Variants in IQCB1 observed in about 807,000 individuals in gnomAD.
The protein encoded by IQCB1 is IQ calmodulin-binding motif-containing protein 1.
A neutral mutation model predicts 84.4 loss-of-function variants in IQCB1; 56 were observed. The observed-to-expected ratio is 0.66, with a 90% confidence interval of 0.54 to 0.83. IQCB1 has a LOEUF of 0.83. IQCB1 is among the 40% of genes least tolerant of loss of function. IQCB1 has a pLI of 0.00. For missense variants in IQCB1, 629 were observed against 682.1 expected (o/e 0.92, Z 0.87); for synonymous variants, 210 against 234.8 (o/e 0.89, Z 0.96).
chr3:121,783,023 T>C (rs1231454442), intron 12 of IQCB1, among the ~76,000 whole-genome samples: 1 of 152,198 alleles, frequency 6.6e-6, no homozygotes, highest in African/African-American at 2.4e-5. Context: ...TCGGCTGCTT[T>C]TGTGCTATAA....
intron 5 of IQCB1, among the ~76,000 whole-genome samples, chr3:121,815,074 G>A (rs1025510392): frequency 6.6e-6 from 1 of 152,238 alleles, no homozygotes; most frequent in East Asian, 1.9e-4. Context: ...GATTAAGTCG[G>A]CTTCATCACT....
chr3:121,824,322 T>C (rs1360670164), intron 5 of IQCB1, among the ~76,000 whole-genome samples: 1 of 152,160 alleles, frequency 6.6e-6, no homozygotes, highest in Admixed American at 6.5e-5. Flanking sequence ...CAAGGGGTGC[T>C]TCACATCCTG....
intron 5 of IQCB1, among the ~76,000 whole-genome samples, chr3:121,824,807 T>C (rs1051437077): frequency 1.5e-5 from 2 of 129,070 alleles, no homozygotes; most frequent in South Asian, 5.4e-4. Context: ...CACTAAAAAG[T>C]AGAACTGTAG....
At chr3:121,834,188 A>G (rs1236287260) in intron 2 of IQCB1, 1 of 152,184 alleles carries the variant, frequency 6.6e-6, no homozygotes, top group Non-Finnish European at 1.5e-5. Flanking sequence ...CTACCCCAAA[A>G]TCAATTGACA....
At chr3:121,797,087 C>G (rs1196029478) in intron 9 of IQCB1, 31 bp downstream of exon 9, 1 of 1,086,210 alleles carries the variant, frequency 9.2e-7, no homozygotes, top group Admixed American at 1.7e-5. Flanking sequence ...CAGCAAATAT[C>G]ATGCAATTTT....
rs554772931 is a variant in IQCB1, at chr3:121,790,714, AG to A, written c.987-500del. 7.4e-4 allele frequency among the ~76,000 whole-genome samples: 113 copies of A among 152,304 alleles called. 1 individual carries two copies. The highest frequency in any genetic ancestry group is 4.6e-3 in the South Asian group (22 of 4,822). ...GAGAATATACTGATGATCTAATGTC[AG>A]GTAAAAGGAAAATCAGGATATAGAA... is the stretch of plus-strand genomic sequence containing the variant. On this transcript the variant is annotated intron_variant, in intron 10 of 14. Coordinates refer to ENST00000310864, the MANE Select transcript of IQCB1 (RefSeq NM_001023570.4).
intron 11 of IQCB1, among the ~76,000 whole-genome samples, chr3:121,789,379 C>T (rs1027507371): frequency 3.3e-5 from 5 of 152,136 alleles, no homozygotes; most frequent in South Asian, 2.1e-4. Flanking sequence ...GGCAATTTTG[C>T]TCTAAGAGCT....
intron 11 of IQCB1, 98 bp downstream of exon 11, chr3:121,789,975 C>T: frequency 9.5e-7 from 1 of 1,049,812 alleles, no homozygotes; most frequent in Admixed American, 1.8e-5. Context: ...GGACAAAAGT[C>T]CAAATTTAAA....
chr3:121,803,271 G>T (rs1248342377), intron 7 of IQCB1, among the ~76,000 whole-genome samples: 1 of 152,106 alleles, frequency 6.6e-6, no homozygotes, highest in Non-Finnish European at 1.5e-5. Flanking sequence ...GCCCAGGCTG[G>T]TCTGGATCTC....
At position 121,799,389 on chromosome 3, in the gene IQCB1, TAA is replaced by T; in HGVS notation, c.588-17_588-16del. The stretch of plus-strand genomic sequence containing the variant: ...GTAAATCACCACTAATAGAACAAAA[TAA>T]AAAAAAAAGTACCATTACTAATTGA... On this transcript the variant is annotated splice_polypyrimidine_tract_variant and intron_variant, in intron 7 of 14. Transcript: ENST00000310864. 1.5e-6 allele frequency: 2 copies of T among 1,346,184 alleles called. No individual in the cohort carries two copies. The highest frequency in any genetic ancestry group is 2.6e-5 in the South Asian group (2 of 75,620). The allele number at this position is 1,346,184 out of a possible 1,614,324, so 83.4% of individuals were successfully genotyped here.
At chr3:121,801,737 T>C (rs1691108835) in intron 7 of IQCB1, among the ~76,000 whole-genome samples, 1 of 151,106 alleles carries the variant, frequency 6.6e-6, no homozygotes, top group Non-Finnish European at 1.5e-5. Flanking sequence ...GCCTTCCCTA[T>C]CATTCTATGC....
chr3:121,778,938 T>C (rs1344248403), intron 13 of IQCB1, among the ~76,000 whole-genome samples: 3 of 151,950 alleles, frequency 2.0e-5, no homozygotes, highest in African/African-American at 7.2e-5. Flanking sequence ...GCTTGCACTG[T>C]TCCTACTGAG....
intron 5 of IQCB1, among the ~76,000 whole-genome samples, chr3:121,820,834 C>CACTT (rs1008466433): frequency 6.6e-6 from 1 of 151,632 alleles, no homozygotes; most frequent in Non-Finnish European, 1.5e-5. Flanking sequence ...TGAGTCAAGA[C>CACTT]ACTTATTACC....
intron 10 of IQCB1, among the ~76,000 whole-genome samples, chr3:121,792,555 G>A (rs1319325264): frequency 9.8e-5 from 14 of 142,258 alleles, no homozygotes; most frequent in Admixed American, 6.4e-4. Flanking sequence ...CCAGCTACTC[G>A]GGAGGCTGAG....
chr3:121,821,929 C>T (rs1481401824), intron 5 of IQCB1, among the ~76,000 whole-genome samples: 1 of 152,154 alleles, frequency 6.6e-6, no homozygotes, highest in African/African-American at 2.4e-5. Context: ...GATTGCTTTC[C>T]TTAATGTGGG....
rs752104367 is a variant in IQCB1 at position 121,808,897 on chromosome 3, T to C, written c.487+19A>G. On this transcript the variant is annotated intron_variant, in intron 6 of 14. Transcript: ENST00000310864. Reference sequence around the variant, plus strand: ...GACTCTACAATAGCTATTAGTTACATTAAAATCTTTTCTCTTACCATTCTG... The same window carrying C: ...GACTCTACAATAGCTATTAGTTACACTAAAATCTTTTCTCTTACCATTCTG... 1 of 1,477,622 alleles carries C rather than the reference T, an allele frequency of 6.8e-7. No homozygotes were observed. The highest frequency in any genetic ancestry group is 1.7e-5 in the Admixed American group (1 of 59,640). 91.5% of individuals were successfully genotyped at this position (1,477,622 alleles called of 1,614,324 possible).
chr3:121,818,872 A>G (rs1458542904), intron 5 of IQCB1, among the ~76,000 whole-genome samples: 1 of 152,174 alleles, frequency 6.6e-6, no homozygotes, highest in Non-Finnish European at 1.5e-5. Context: ...CCTAAATCTG[A>G]AGCTAAGTAA....
At chr3:121,792,087 A>G (rs1196586346) in intron 10 of IQCB1, among the ~76,000 whole-genome samples, 2 of 152,180 alleles carry the variant, frequency 1.3e-5, no homozygotes, top group African/African-American at 4.8e-5. Context: ...CTCCGCCTCA[A>G]AACAACAACA....
intron 13 of IQCB1, among the ~76,000 whole-genome samples, chr3:121,778,624 C>G (rs13074133): frequency 0.64 from 97,643 of 151,526 alleles, 31,908 homozygotes; most frequent in African/African-American, 0.72. Context: ...AGATATCTTT[C>G]GCCGGGGGTG....
Sources: gnomAD v4.1 joint callset for allele counts (sites outside exome capture counted in the v4.1 genomes callset) on GRCh38, gnomAD v4.1.1 for gene constraint, MANE v1.5 for transcripts, NCBI Gene and HGNC (gene_info 2026-07-23, HGNC 2026-07-21) for gene names.